Variants in CALD1 observed in about 807,000 individuals in gnomAD.
The protein encoded by CALD1 is caldesmon 1.
In CALD1, 33 loss-of-function variants were observed where a neutral mutation model predicts 99.9. That is an observed-to-expected ratio of 0.33 (90% CI 0.25 to 0.44). The LOEUF is 0.44. Among genes scored for constraint, CALD1 ranks in the 20% least tolerant of loss-of-function variants. The pLI, the probability that CALD1 is intolerant of heterozygous loss-of-function variation, is 1.00. For missense variants in CALD1, 861 were observed against 962.1 expected, an observed-to-expected ratio of 0.89 and a Z score of 1.39; for synonymous variants, 310 against 325.0, an observed-to-expected ratio of 0.95 and a Z score of 0.50.
At chr7:134,900,405 GGT>G (rs1563079880) in intron 3 of CALD1, among the ~76,000 whole-genome samples, 1 of 152,096 alleles carries the variant, frequency 6.6e-6, no homozygotes, top group Non-Finnish European at 1.5e-5. Context: ...AGAGGGGTTA[GGT>G]ACATTGGACT....
chr7:134,715,317 T>C, the CALD1 span, among the ~76,000 whole-genome samples: 3 of 152,254 alleles, frequency 2.0e-5, no homozygotes, highest in African/African-American at 7.2e-5. Context: ...CTTGTGTATA[T>C]ATTTGAATGT....
intron 1 of CALD1, among the ~76,000 whole-genome samples, chr7:134,811,457 G>A (rs1798351940): frequency 6.6e-6 from 1 of 152,118 alleles, no homozygotes; most frequent in Non-Finnish European, 1.5e-5. Flanking sequence ...CAATCCTTAT[G>A]CTAGTTGAGG....
At chr7:134,824,671 A>G (rs978498400) in intron 1 of CALD1, among the ~76,000 whole-genome samples, 6 of 152,218 alleles carry the variant, frequency 3.9e-5, no homozygotes, top group Non-Finnish European at 7.3e-5. Context: ...TGTTTGGGAC[A>G]TTAAATAGAT....
chr7:134,936,788 C>T (rs1806015919), intron 6 of CALD1, among the ~76,000 whole-genome samples: 2 of 152,116 alleles, frequency 1.3e-5, no homozygotes, highest in South Asian at 4.1e-4. Flanking sequence ...GATGTATGTT[C>T]CTCTGTTTCT....
At chr7:134,898,721 G>T (rs536713024) in intron 3 of CALD1, among the ~76,000 whole-genome samples, 2 of 152,008 alleles carry the variant, frequency 1.3e-5, no homozygotes, top group African/African-American at 4.8e-5. Flanking sequence ...TTGCAGGCGT[G>T]ATTTTTGTAT....
chr7:134,814,921 G>A (rs1249082557), intron 1 of CALD1, among the ~76,000 whole-genome samples: 1 of 152,156 alleles, frequency 6.6e-6, no homozygotes, highest in Admixed American at 6.6e-5. Context: ...AAATAAGGGA[G>A]CTGGATCACG....
intron 1 of CALD1, among the ~76,000 whole-genome samples, chr7:134,839,172 A>G (rs1799556100): frequency 6.6e-6 from 1 of 152,218 alleles, no homozygotes; most frequent in East Asian, 1.9e-4. Context: ...CGGTTTTTAT[A>G]TTAATGAAAT....
At chr7:134,779,387 A>G (rs540645172), upstream of CALD1, 12 of 324,454 alleles carry the variant, frequency 3.7e-5, no homozygotes, top group African/African-American at 1.9e-4. Flanking sequence ...ACGCAGTTTC[A>G]GAGCTTTTTA....
At chr7:134,740,257 G>A (rs1218754856), upstream of CALD1, among the ~76,000 whole-genome samples, 5 of 151,856 alleles carry the variant, frequency 3.3e-5, no homozygotes, top group African/African-American at 1.2e-4. Flanking sequence ...GGAAGTAGTA[G>A]GTATGCTGAT....
intron 3 of CALD1, among the ~76,000 whole-genome samples, chr7:134,897,291 T>C (rs1006912686): frequency 3.0e-5 from 4 of 133,964 alleles, no homozygotes; most frequent in Non-Finnish European, 4.8e-5. Flanking sequence ...ATTATCTACA[T>C]CAGTGTTCTC....
chr7:134,933,112 C>T lies in CALD1; in HGVS notation c.343C>T (p.Leu115=). 1 of 1,613,914 alleles carries T rather than the reference C, an allele frequency of 6.2e-7. No individual in the cohort carries two copies. Among genetic ancestry groups the T allele is most frequent in the African/African-American group, 1.3e-5 (1 of 74,940 alleles). Residue 115 remains leucine, a synonymous_variant, in exon 5 of 15, where the codon CTG becomes TTG. Coordinates refer to ENST00000361675, the MANE Select transcript of CALD1 (RefSeq NM_033138.4). The part of the protein sequence containing the change: ...ERRQKRLQEA[L]ERQKEFDPTI... ...ACGCCAAAAACGCCTTCAGGAGGCT[C>T]TGGAGCGGCAGAAGGAGTTCGACCC... is the stretch of plus-strand genomic sequence containing the variant.
chr7:134,801,457 A>G (rs974856404), intron 1 of CALD1, among the ~76,000 whole-genome samples: 8 of 152,130 alleles, frequency 5.3e-5, no homozygotes, highest in African/African-American at 1.9e-4. Context: ...CTTATTCTTT[A>G]GTAGTTCCTT....
intron 3 of CALD1, among the ~76,000 whole-genome samples, chr7:134,892,649 T>C (rs1802290168): frequency 6.6e-6 from 1 of 152,228 alleles, no homozygotes; most frequent in African/African-American, 2.4e-5. Context: ...TTTCCGTAAG[T>C]GTGGTTGGTT....
At chr7:134,948,869 CT>C (rs563118718) in intron 8 of CALD1, among the ~76,000 whole-genome samples, 2,913 of 141,498 alleles carry the variant, frequency 0.021, 66 homozygotes, top group African/African-American at 0.063. Flanking sequence ...ACACCCCAGG[CT>C]TTTTTTTTTT....
At chr7:134,769,794 T>C (rs1051307971) in intron 1 of CALD1, among the ~76,000 whole-genome samples, 26 of 152,138 alleles carry the variant, frequency 1.7e-4, no homozygotes, top group Non-Finnish European at 1.5e-5. Flanking sequence ...TGCGCCAACA[T>C]GCCTAGCTAA....
chr7:134,906,229 C>A (rs532310756), intron 3 of CALD1, among the ~76,000 whole-genome samples: 1 of 152,196 alleles, frequency 6.6e-6, no homozygotes, highest in Admixed American at 6.5e-5. Flanking sequence ...CATGCCTGGC[C>A]GGACTTCTCT....
chr7:134,903,775 G>A (rs1803168278), intron 3 of CALD1, among the ~76,000 whole-genome samples: 1 of 152,030 alleles, frequency 6.6e-6, no homozygotes, highest in Non-Finnish European at 1.5e-5. Flanking sequence ...CAGTTAGCTC[G>A]GTCAAGTCCC....
At chr7:134,854,823 G>A (rs1800229562) in intron 2 of CALD1, among the ~76,000 whole-genome samples, 1 of 152,182 alleles carries the variant, frequency 6.6e-6, no homozygotes, top group African/African-American at 2.4e-5. Flanking sequence ...TTGGATTTGT[G>A]TCCCTGCCAA....
intron 3 of CALD1, among the ~76,000 whole-genome samples, chr7:134,913,572 A>C (rs1803981107): frequency 6.6e-6 from 1 of 152,260 alleles, no homozygotes; most frequent in Non-Finnish European, 1.5e-5. Flanking sequence ...GTATATGCAT[A>C]CATAAATGTA....
Sources: allele counts gnomAD v4.1 joint callset (sites outside exome capture counted in the v4.1 genomes callset), GRCh38; gene constraint gnomAD v4.1.1; transcripts MANE v1.5; gene names NCBI Gene and HGNC (gene_info 2026-07-23, HGNC 2026-07-21).